SASS6: variants seen among roughly 807,000 people sequenced by gnomAD.
The protein encoded by SASS6 is spindle assembly abnormal protein 6 homolog.
A neutral mutation model predicts 94.9 loss-of-function variants in SASS6; 59 were observed. The ratio of observed to expected loss-of-function variants is 0.62; its 90% CI spans 0.50 to 0.77. SASS6 has a LOEUF of 0.77. SASS6 is among the 30% of genes least tolerant of loss of function. The pLI, the probability that SASS6 is intolerant of heterozygous loss-of-function variation, is 0.00. For missense variants in SASS6, 698 were observed against 734.1 expected (o/e 0.95, Z 0.57); for synonymous variants, 264 against 270.0 (o/e 0.98, Z 0.22).
Position 100,121,402 on chromosome 1 carries a change from G to C in SASS6, c.459C>G (p.Leu153=). 6.3e-7 allele frequency: 1 copy of C among 1,577,786 alleles called. No individual in the cohort carries two copies. Among genetic ancestry groups the C allele is most frequent in the Non-Finnish European group, 8.6e-7 (1 of 1,168,180 alleles). Residue 153 remains leucine, a synonymous_variant, in exon 5 of 17, where the codon CTC becomes CTG. Coordinates refer to ENST00000287482, the MANE Select transcript of SASS6 (RefSeq NM_194292.3). ...CCTTGCTACATTTCAAACAGCCTGC[G>C]AGAAATTTCTTTATCTCCACATCAT... ...PGNDVEIKKF[L]AGCLKCSKEE...
At chr1:100,108,157 T>C (rs1653053988) in intron 8 of SASS6, among the ~76,000 whole-genome samples, 153 bp from the exon 9 acceptor site, 1 of 152,110 alleles carries the variant, frequency 6.6e-6, no homozygotes, top group Admixed American at 6.6e-5. Flanking sequence ...TAAATGTCTT[T>C]CTAATGGTAT....
intron 14 of SASS6, among the ~76,000 whole-genome samples, chr1:100,090,726 T>C (rs1042706319): frequency 1.3e-3 from 191 of 152,056 alleles, no homozygotes; most frequent in African/African-American, 4.5e-3. Flanking sequence ...AGGAACTGCA[T>C]AGCACGGAAA....
At chr1:100,097,411 GATGA>G (rs1652179030) in intron 14 of SASS6, among the ~76,000 whole-genome samples, 1 of 152,140 alleles carries the variant, frequency 6.6e-6, no homozygotes, top group Non-Finnish European at 1.5e-5. Context: ...TCCATCAACT[GATGA>G]ATGAACAAAT....
intron 14 of SASS6, among the ~76,000 whole-genome samples, chr1:100,091,244 C>T (rs1651658724): frequency 6.6e-6 from 1 of 152,074 alleles, no homozygotes; most frequent in Non-Finnish European, 1.5e-5. Context: ...TTGCAGTGAG[C>T]TGAGATTGCA....
intron 15 of SASS6, among the ~76,000 whole-genome samples, chr1:100,087,643 G>T (rs1247498014): frequency 1.3e-5 from 2 of 152,072 alleles, no homozygotes; most frequent in Non-Finnish European, 2.9e-5. Flanking sequence ...TGTTATCTAT[G>T]GGAAAATCTC....
At chr1:100,103,442 A>G (rs1652654882) in intron 13 of SASS6, among the ~76,000 whole-genome samples, 1 of 152,240 alleles carries the variant, frequency 6.6e-6, no homozygotes, top group African/African-American at 2.4e-5. Flanking sequence ...GAGATAAAAT[A>G]AAACTAATTT....
In SASS6 at chr1:100,107,648, A is replaced by C. The variant is rs774590446; in HGVS notation, c.1126T>G (p.Leu376Val). The C allele has an allele frequency of 1.2e-6, 2 of 1,602,136 alleles. No individual in the cohort carries two copies. Among genetic ancestry groups the C allele is most frequent in the Non-Finnish European group, 8.5e-7 (1 of 1,174,312 alleles). ...LGKLEATIKS[L>V]SAELLKANEI... ...CAAACCTTCAGAAGTTCTGCAGATA[A>C]TGATTTTATTGTAGCTTCAAGCTTT... is the stretch of plus-strand genomic sequence containing the variant. The change falls in exon 10 of 17, where the codon TTA (leucine) becomes GTA (valine). Residue 376 changes from leucine to valine, a missense_variant. Leu to Val is a conservative substitution (Grantham distance 32, BLOSUM62 1). Coordinates refer to ENST00000287482, the MANE Select transcript of SASS6 (RefSeq NM_194292.3).
intron 2 of SASS6, among the ~76,000 whole-genome samples, chr1:100,123,819 GT>G (rs1331884960): frequency 3.3e-5 from 5 of 152,198 alleles, no homozygotes; most frequent in African/African-American, 1.2e-4. Context: ...CCTAGGCCAG[GT>G]GGCCACTGAT....
At chr1:100,103,473 C>T (rs1360563982) in intron 13 of SASS6, among the ~76,000 whole-genome samples, 2 of 152,142 alleles carry the variant, frequency 1.3e-5, no homozygotes, top group African/African-American at 4.8e-5. Context: ...TGCATAAAAA[C>T]AAGATCAGTG....
intron 1 of SASS6, 75 bp downstream of exon 1, chr1:100,132,675 G>A: frequency 4.0e-6 from 5 of 1,241,970 alleles, no homozygotes; most frequent in East Asian, 2.3e-5. Context: ...GGATCCCACG[G>A]GCCAGAACCG....
At chr1:100,106,457 T>C (rs909093809) in intron 12 of SASS6, among the ~76,000 whole-genome samples, 54 of 152,224 alleles carry the variant, frequency 3.5e-4, no homozygotes, top group African/African-American at 1.3e-3. Context: ...AAATTTATTA[T>C]AGAAAAGGCA....
At chr1:100,106,702 A>C (rs1254895501) in intron 12 of SASS6, among the ~76,000 whole-genome samples, 1 of 152,146 alleles carries the variant, frequency 6.6e-6, no homozygotes, top group Non-Finnish European at 1.5e-5. Context: ...AAAAACCCAC[A>C]AAATTAGCTG....
At chr1:100,095,523 T>G (rs1652046796) in intron 14 of SASS6, among the ~76,000 whole-genome samples, 1 of 152,112 alleles carries the variant, frequency 6.6e-6, no homozygotes. Context: ...ACACTAAGAC[T>G]CTGTCTCAAA....
chr1:100,104,267 G>A (rs1652716313), intron 13 of SASS6, among the ~76,000 whole-genome samples: 1 of 152,210 alleles, frequency 6.6e-6, no homozygotes, highest in Non-Finnish European at 1.5e-5. Context: ...GCATGATTAT[G>A]AAACAGTCTT....
rs146293280 is a variant in SASS6 at position 100,119,091 on chromosome 1, C to T, written c.596G>A (p.Trp199Ter). Residue 199 changes from tryptophan to a stop codon, truncating the protein, a stop_gained, in exon 7 of 17, where the codon TGG (tryptophan) becomes TAG (stop). Transcript: ENST00000287482. LOFTEE classifies it high-confidence loss of function. ...TGTCAAGGCTGCTGTATGTGACGCCCATTCATTCCGTAACTTATCTAATTC... is the reference window on the plus strand; with the variant it reads ...TGTCAAGGCTGCTGTATGTGACGCCTATTCATTCCGTAACTTATCTAATTC... The part of the protein sequence containing the change: ...KQELDKLRNE[W>*]ASHTAALTNK... 6 of 1,581,784 alleles carry T rather than the reference C, an allele frequency of 3.8e-6. No homozygotes were observed. Among genetic ancestry groups the T allele is most frequent in the Non-Finnish European group, 5.2e-6 (6 of 1,157,592 alleles).
chr1:100,096,296 C>A (rs995555322), intron 14 of SASS6, among the ~76,000 whole-genome samples: 10 of 152,136 alleles, frequency 6.6e-5, no homozygotes, highest in African/African-American at 2.2e-4. Flanking sequence ...GAGAAAAAGA[C>A]TTTTCATAAA....
Position 100,107,470 on chromosome 1 carries a change from C to T in SASS6, c.1230G>A (p.Gln410=). ...KLKLKNTVTI[Q]QEKLLAEKEE... Reference sequence around the variant, plus strand: ...CCTTCTCAGCCAAGAGTTTTTCTTGCTGAATAGTAACTGTATTCTTCAATT... The same window carrying T: ...CCTTCTCAGCCAAGAGTTTTTCTTGTTGAATAGTAACTGTATTCTTCAATT... The change falls in exon 11 of 17, where the codon CAG becomes CAA. Residue 410 remains glutamine (Q), a synonymous_variant. Transcript: ENST00000287482. 1 of 1,606,104 alleles carries T rather than the reference C, an allele frequency of 6.2e-7. No individual in the cohort carries two copies. Among genetic ancestry groups the T allele is most frequent in the Non-Finnish European group, 8.5e-7 (1 of 1,173,102 alleles).
intron 5 of SASS6, 40 bp downstream of exon 5, chr1:100,121,338 A>G: frequency 8.2e-7 from 1 of 1,226,172 alleles, no homozygotes; most frequent in Non-Finnish European, 1.2e-6. Flanking sequence ...GACCATTGAT[A>G]CTTATTTTGT....
At chr1:100,119,768 C>T (rs933487584) in intron 6 of SASS6, among the ~76,000 whole-genome samples, 30 of 152,326 alleles carry the variant, frequency 2.0e-4, no homozygotes, top group African/African-American at 7.0e-4. Flanking sequence ...TCCCCTTTGC[C>T]TTCAGCCATG....
Sources: allele counts gnomAD v4.1 joint callset (sites outside exome capture counted in the v4.1 genomes callset), GRCh38; gene constraint gnomAD v4.1.1; transcripts MANE v1.5; gene names NCBI Gene and HGNC (gene_info 2026-07-23, HGNC 2026-07-21).